The following AGBL4 variants were observed in gnomAD, a reference collection of about 807,000 sequenced individuals.
AGBL4 encodes the protein cytosolic carboxypeptidase 6.
In AGBL4, 58 loss-of-function variants were observed where a neutral mutation model predicts 66.4. That is an observed-to-expected ratio of 0.87 (90% CI 0.71 to 1.09). The LOEUF (loss-of-function observed/expected upper bound fraction) is 1.09, where lower values mean the gene tolerates loss of function less well. Ranked by LOEUF, AGBL4 falls within the 50% of genes least tolerant of loss-of-function variation. The pLI is 0.00. For synonymous variants in AGBL4, 234 were observed against 222.9 expected, an observed-to-expected ratio of 1.05 and a Z score of -0.44; for missense variants, 579 against 631.0, an observed-to-expected ratio of 0.92 and a Z score of 0.88.
intron 3 of AGBL4, among the ~76,000 whole-genome samples, chr1:49,264,684 T>C (rs1050728466): frequency 1.3e-5 from 2 of 152,088 alleles, no homozygotes; most frequent in African/African-American, 4.8e-5. Flanking sequence ...TAGCTGGGAC[T>C]ACAGTCGCAT....
intron 1 of AGBL4, among the ~76,000 whole-genome samples, chr1:49,904,892 C>G (rs1650111115): frequency 6.6e-6 from 1 of 152,138 alleles, no homozygotes; most frequent in African/African-American, 2.4e-5. Flanking sequence ...GATGAAATTA[C>G]AGCTGTGGGG....
At chr1:49,215,862 G>A (rs559036278) in intron 4 of AGBL4, among the ~76,000 whole-genome samples, 1 of 151,952 alleles carries the variant, frequency 6.6e-6, no homozygotes, top group South Asian at 2.1e-4. Flanking sequence ...TTCCAGAAGT[G>A]TTGATTACTC....
intron 6 of AGBL4, among the ~76,000 whole-genome samples, chr1:48,847,988 G>A (rs1180236220): frequency 6.6e-6 from 1 of 152,148 alleles, no homozygotes; most frequent in Non-Finnish European, 1.5e-5. Flanking sequence ...CTCATCAGAA[G>A]AACTGCCACT....
intron 3 of AGBL4, among the ~76,000 whole-genome samples, chr1:49,274,555 T>C (rs1367731401): frequency 6.6e-6 from 1 of 152,108 alleles, no homozygotes; most frequent in East Asian, 1.9e-4. Context: ...TTCTAAGACT[T>C]TTTAAATCCA....
At chr1:49,483,951 T>C (rs973948451) in intron 3 of AGBL4, among the ~76,000 whole-genome samples, 2 of 151,948 alleles carry the variant, frequency 1.3e-5, no homozygotes, top group East Asian at 3.9e-4. Flanking sequence ...GATCTGAATA[T>C]ACATCTCTCA....
chr1:49,005,380 T>C (rs563272383), intron 5 of AGBL4, among the ~76,000 whole-genome samples: 13 of 152,268 alleles, frequency 8.5e-5, no homozygotes, highest in Non-Finnish European at 1.5e-4. Context: ...AATAACATGG[T>C]GAAATCTCAC....
At chr1:49,906,768 G>T (rs1210780817) in intron 1 of AGBL4, among the ~76,000 whole-genome samples, 2 of 152,022 alleles carry the variant, frequency 1.3e-5, no homozygotes, top group Non-Finnish European at 2.9e-5. Flanking sequence ...ACTACTTTCT[G>T]CCTCTAAATT....
intron 4 of AGBL4, chr1:49,174,748 T>C (rs1384432317): frequency 6.6e-6 from 1 of 152,062 alleles, no homozygotes; most frequent in Non-Finnish European, 1.5e-5. Context: ...TAATATTTTC[T>C]TTATCAGCAA....
intron 3 of AGBL4, among the ~76,000 whole-genome samples, chr1:49,386,200 A>G (rs1644732185): frequency 6.6e-6 from 1 of 151,936 alleles, no homozygotes; most frequent in South Asian, 2.1e-4. Context: ...TAAATGTTAG[A>G]ATATGTTCAT....
chr1:49,221,418 C>T (rs1294736436), intron 4 of AGBL4, among the ~76,000 whole-genome samples: 1 of 152,074 alleles, frequency 6.6e-6, no homozygotes, highest in Non-Finnish European at 1.5e-5. Flanking sequence ...AGATAGTACT[C>T]TCCATATTTC....
chr1:49,672,684 G>T (rs557652133), intron 3 of AGBL4, among the ~76,000 whole-genome samples: 3 of 151,932 alleles, frequency 2.0e-5, no homozygotes, highest in African/African-American at 4.8e-5. Context: ...ACTTTGGGAG[G>T]CTGAGGCAGA....
intron 3 of AGBL4, among the ~76,000 whole-genome samples, chr1:49,609,412 G>T (rs932502979): frequency 2.0e-5 from 3 of 152,110 alleles, no homozygotes; most frequent in African/African-American, 7.2e-5. Context: ...AAGAAAAAAA[G>T]ATAGAGATGG....
intron 5 of AGBL4, among the ~76,000 whole-genome samples, chr1:49,003,405 A>C (rs1276192270): frequency 1.3e-5 from 2 of 152,244 alleles, no homozygotes; most frequent in Admixed American, 1.3e-4. Flanking sequence ...TCTCAAAAAA[A>C]TAAATACATA....
intron 3 of AGBL4, among the ~76,000 whole-genome samples, chr1:49,514,056 TG>T (rs1345654247): frequency 2.0e-5 from 3 of 152,012 alleles, no homozygotes; most frequent in African/African-American, 7.2e-5. Context: ...TTGTGATTTT[TG>T]TACATTGATT....
At chr1:49,666,206 C>A (rs978892300) in intron 3 of AGBL4, among the ~76,000 whole-genome samples, 39 of 151,984 alleles carry the variant, frequency 2.6e-4, no homozygotes, top group African/African-American at 9.2e-4. Flanking sequence ...TAGCAACTAC[C>A]AGGCTCATAG....
At chr1:49,450,078 T>C (rs1646244597) in intron 3 of AGBL4, among the ~76,000 whole-genome samples, 1 of 152,070 alleles carries the variant, frequency 6.6e-6, no homozygotes, top group Admixed American at 6.6e-5. Context: ...CTTCCAGTAA[T>C]GCCTTTGGTT....
At chr1:49,671,483 T>C (rs1200527668) in intron 3 of AGBL4, among the ~76,000 whole-genome samples, 4 of 151,954 alleles carry the variant, frequency 2.6e-5, no homozygotes, top group Admixed American at 6.6e-5. Context: ...AATTGACAAA[T>C]GAGAACTAAT....
intron 2 of AGBL4, among the ~76,000 whole-genome samples, chr1:49,849,397 TTATTATTATTATTA>T (rs1646244599): frequency 1.3e-5 from 1 of 77,790 alleles, no homozygotes; most frequent in African/African-American, 6.0e-5. Context: ...ATCTAATTTA[TTATTATTATTATTA>T]TTATTATTAT....
At chr1:49,477,529 T>A (rs2148721243) in intron 3 of AGBL4, among the ~76,000 whole-genome samples, 1 of 152,250 alleles carries the variant, frequency 6.6e-6, no homozygotes, top group South Asian at 2.1e-4. Context: ...GGGTGCCCCC[T>A]AATGTGGATA....
Sources: allele counts gnomAD v4.1 joint callset (sites outside exome capture counted in the v4.1 genomes callset), GRCh38; gene constraint gnomAD v4.1.1; transcripts MANE v1.5; gene names NCBI Gene and HGNC (gene_info 2026-07-23, HGNC 2026-07-21).